The following TET2 variants were observed in gnomAD, a reference collection of about 807,000 sequenced individuals.
The protein encoded by TET2 is methylcytosine dioxygenase TET2.
A neutral mutation model predicts 142.9 loss-of-function variants in TET2; 299 were observed. The ratio of observed to expected loss-of-function variants is 2.09; its 90% CI spans 1.90 to 2.30. The LOEUF (loss-of-function observed/expected upper bound fraction) is 2.30, where lower values mean the gene tolerates loss of function less well. Among genes scored for constraint, TET2 ranks in the 30% most tolerant of loss-of-function variants. The pLI is 0.00. For synonymous variants in TET2, 819 were observed against 849.0 expected (o/e 0.96, Z 0.61); for missense variants, 2,418 against 2,378.0 (o/e 1.02, Z -0.35).
chr4:105,169,048 G>A (rs1266714281), intron 1 of TET2, among the ~76,000 whole-genome samples: 1 of 152,196 alleles, frequency 6.6e-6, no homozygotes, highest in African/African-American at 2.4e-5. Context: ...CTATAAATGT[G>A]TGTGCAAGTA....
At chr4:105,252,180 A>G (rs546976221) in intron 6 of TET2, among the ~76,000 whole-genome samples, 27 of 152,034 alleles carry the variant, frequency 1.8e-4, no homozygotes, top group Non-Finnish European at 2.8e-4. Context: ...TACCCTACCT[A>G]TTTTTCTCTC....
chr4:105,220,207 C>T (rs540527743), intron 2 of TET2, among the ~76,000 whole-genome samples: 25 of 152,126 alleles, frequency 1.6e-4, no homozygotes, highest in African/African-American at 6.0e-4. Context: ...ATTATTAGAA[C>T]CCATTTGTTG....
intron 3 of TET2, 188 bp from the exon 4 acceptor site, chr4:105,241,151 C>T: frequency 8.8e-6 from 11 of 1,246,726 alleles, no homozygotes; most frequent in Non-Finnish European, 1.1e-5. Flanking sequence ...CCAGCATGTA[C>T]ATATACTTAA....
chr4:105,236,702 G>T lies in TET2; in HGVS notation c.2760G>T (p.Leu920Phe). ...QAAQLAQQRY[L>F]IHNHANVFPV... ...CGCAACTTGCTCAGCAAAGGTACTTGATACATAACCATGCAAATGTTTTTC... is the reference window on the plus strand; with the variant it reads ...CGCAACTTGCTCAGCAAAGGTACTTTATACATAACCATGCAAATGTTTTTC... The change falls in exon 3 of 11, where the codon TTG becomes TTT. Residue 920 changes from leucine to phenylalanine, a missense_variant. Physicochemically the swap from Leu to Phe is conservative, Grantham distance 22 (BLOSUM62 0). Coordinates refer to ENST00000380013, the MANE Select transcript of TET2 (RefSeq NM_001127208.3). The T allele has an allele frequency of 1.2e-6, 2 of 1,614,086 alleles. No homozygotes were observed. Among genetic ancestry groups the T allele is most frequent in the Admixed American group, 1.7e-5 (1 of 59,996 alleles).
chr4:105,198,442 T>G (rs1303097683), intron 2 of TET2, among the ~76,000 whole-genome samples: 3 of 152,222 alleles, frequency 2.0e-5, no homozygotes, highest in Non-Finnish European at 4.4e-5. Flanking sequence ...TTTTTAAAAC[T>G]TAGCTTTTGA....
chr4:105,183,135 CTG>C (rs1359103758), intron 1 of TET2, among the ~76,000 whole-genome samples: 1 of 152,134 alleles, frequency 6.6e-6, no homozygotes, highest in Non-Finnish European at 1.5e-5. Flanking sequence ...GATCCTCAAT[CTG>C]TGGCTGTTTT....
intron 2 of TET2, among the ~76,000 whole-genome samples, chr4:105,203,334 A>G (rs1031168305): frequency 1.3e-5 from 2 of 152,200 alleles, no homozygotes; most frequent in African/African-American, 2.4e-5. Flanking sequence ...TTGGAAAAGG[A>G]AGTAGTAGTA....
rs1292467870 is a variant in TET2 at position 105,278,163 on chromosome 4, A to AATATAT, written c.*1646_*1651dup. On this transcript the variant is annotated 3_prime_UTR_variant, in exon 11 of 11. Coordinates refer to ENST00000380013, the MANE Select transcript of TET2 (RefSeq NM_001127208.3). ...GTATTTTAGTACTGTAAAAAAATTA[A>AATATAT]ATATATACATATATATATATATATA... The AATATAT allele has an allele frequency of 2.6e-5, 3 of 116,726 alleles. No homozygotes were observed. Among genetic ancestry groups the AATATAT allele is most frequent in the African/African-American group, 1.7e-4 (3 of 17,966 alleles). 7.2% of individuals were successfully genotyped at this position (116,726 alleles called of 1,614,324 possible).
Position 105,276,303 on chromosome 4 carries a change from G to C in TET2, c.5793G>C (p.Glu1931Asp), listed in dbSNP as rs779400447. 6.4e-7 allele frequency: 1 copy of C among 1,551,720 alleles called. No individual in the cohort carries two copies. Residue 1931 changes from glutamate (E) to aspartate (D), a missense_variant, in exon 11 of 11, where the codon GAG becomes GAC. By Grantham distance (45) the Glu-to-Asp change is conservative (BLOSUM62 2). Transcript: ENST00000380013. ...AAAAAGCCCGTGAGAAAGAGGAAGA[G>C]TGTGAAAAGTATGGCCCAGACTATG... The part of the protein sequence containing the change: ...MAEKAREKEE[E>D]CEKYGPDYVP...
intron 2 of TET2, among the ~76,000 whole-genome samples, chr4:105,205,097 T>A (rs1726740310): frequency 6.6e-6 from 1 of 152,206 alleles, no homozygotes; most frequent in African/African-American, 2.4e-5. Flanking sequence ...CAATGCATTT[T>A]GAGAGGTGCT....
chr4:105,237,256 TA>T lies in TET2; in HGVS notation c.3315del (p.Ile1105MetfsTer8). 1 of 1,614,156 alleles carries T rather than the reference TA, an allele frequency of 6.2e-7. No individual in the cohort carries two copies. Among genetic ancestry groups the T allele is most frequent in the Non-Finnish European group, 8.5e-7 (1 of 1,179,994 alleles). On this transcript the variant is annotated frameshift_variant, in exon 3 of 11. Coordinates refer to ENST00000380013, the MANE Select transcript of TET2 (RefSeq NM_001127208.3). LOFTEE classifies it high-confidence loss of function. ...RTAASVLNNF[I>X]ESPSKLLDTP... Reference sequence around the variant, plus strand: ...GCTGCTTCTGTTCTCAATAATTTTATAGAGTCACCTTCCAAATTACTAGATA... The same window carrying T: ...GCTGCTTCTGTTCTCAATAATTTTATGAGTCACCTTCCAAATTACTAGATA...
At chr4:105,240,750 CCT>C (rs1357058456) in intron 3 of TET2, 1 of 1,079,648 alleles carries the variant, frequency 9.3e-7, no homozygotes, top group African/African-American at 1.6e-5. Flanking sequence ...CTTCTTTTTG[CCT>C]GACTCTCCAG....
At position 105,236,270 on chromosome 4, in the gene TET2, T is replaced by C; in HGVS notation, c.2328T>C (p.Phe776=). Residue 776 remains phenylalanine, a synonymous_variant, in exon 3 of 11, where the codon TTT becomes TTC. Transcript: ENST00000380013. ...ATCAGCAAAGAGAAGGATCATTCTT[T>C]GGCCAGACTAAAGTGGAAGAATGTT... ...NNDQQREGSF[F]GQTKVEECFH... 6.2e-7 allele frequency: 1 copy of C among 1,614,164 alleles called. No individual in the cohort carries two copies. Among genetic ancestry groups the C allele is most frequent in the Non-Finnish European group, 8.5e-7 (1 of 1,180,034 alleles).
intron 2 of TET2, among the ~76,000 whole-genome samples, chr4:105,210,009 G>A (rs1021344174): frequency 1.3e-5 from 2 of 152,074 alleles, no homozygotes; most frequent in African/African-American, 2.4e-5. Context: ...TTTTTTAAAC[G>A]GGAAGAAAGA....
chr4:105,216,089 T>C (rs771969229), intron 2 of TET2, among the ~76,000 whole-genome samples: 37 of 152,200 alleles, frequency 2.4e-4, no homozygotes, highest in Non-Finnish European at 3.7e-4. Context: ...TTACTAACTG[T>C]GGGTCTTTAG....
intron 2 of TET2, among the ~76,000 whole-genome samples, chr4:105,209,301 A>G (rs1212833607): frequency 6.6e-6 from 1 of 151,582 alleles, no homozygotes; most frequent in African/African-American, 2.4e-5. Context: ...AAGATGACTC[A>G]AGCGCAATAA....
At chr4:105,207,417 G>C (rs1726892817) in intron 2 of TET2, among the ~76,000 whole-genome samples, 1 of 152,110 alleles carries the variant, frequency 6.6e-6, no homozygotes, top group South Asian at 2.1e-4. Context: ...TTTCAGAATA[G>C]CCAACAGATT....
chr4:105,224,024 A>G (rs1728020808), intron 2 of TET2, among the ~76,000 whole-genome samples: 1 of 152,194 alleles, frequency 6.6e-6, no homozygotes, highest in African/African-American at 2.4e-5. Flanking sequence ...ATGGAAAAAA[A>G]TAATTTACTA....
At position 105,241,355 on chromosome 4, in the gene TET2, A is replaced by G. The variant is rs2110248652; in HGVS notation, c.3426A>G (p.Lys1142=). Residue 1142 remains lysine, a synonymous_variant, in exon 4 of 11, where the codon AAA becomes AAG. Transcript: ENST00000380013. The stretch of plus-strand genomic sequence containing the variant: ...TCTCAACAGAGCAAATTATTGAAAA[A>G]GATGAAGGTCCTTTTTATACCCATC... ...SCRCVEQIIE[K]DEGPFYTHLG... 6.5e-7 allele frequency: 1 copy of G among 1,546,812 alleles called. No individual in the cohort carries two copies. The highest frequency in any genetic ancestry group is 1.2e-5 in the South Asian group (1 of 82,980).
Sources: gnomAD v4.1 joint callset for allele counts (sites outside exome capture counted in the v4.1 genomes callset) on GRCh38, gnomAD v4.1.1 for gene constraint, MANE v1.5 for transcripts, NCBI Gene and HGNC (gene_info 2026-07-23, HGNC 2026-07-21) for gene names.